The following H6PD variants were observed in gnomAD, a reference collection of about 807,000 sequenced individuals.
H6PD encodes hexose-6-phosphate dehydrogenase/glucose 1-dehydrogenase.
H6PD carries 48 observed loss-of-function variants against 61.2 expected under a neutral mutation model. The ratio of observed to expected loss-of-function variants is 0.78; its 90% CI spans 0.62 to 1.00. The LOEUF is 1.00. Among genes scored for constraint, H6PD ranks in the 50% least tolerant of loss-of-function variants. The pLI, the probability that H6PD is intolerant of heterozygous loss-of-function variation, is 0.00. For missense variants in H6PD, 1,093 were observed against 1,065.0 expected, an observed-to-expected ratio of 1.03 and a Z score of -0.37; for synonymous variants, 480 against 457.9, an observed-to-expected ratio of 1.05 and a Z score of -0.62.
intron 3 of H6PD, among the ~76,000 whole-genome samples, chr1:9,247,367 C>T (rs1641214318): frequency 6.6e-6 from 1 of 152,172 alleles, no homozygotes; most frequent in African/African-American, 2.4e-5. Context: ...CTGAGGTCCC[C>T]CAAGTTTTTG....
intron 1 of H6PD, chr1:9,243,050 C>A (rs1641046243): frequency 2.5e-6 from 2 of 797,340 alleles, no homozygotes; most frequent in African/African-American, 1.9e-5. Flanking sequence ...TGGCCCTGAT[C>A]CTCTAGTTAA....
intron 1 of H6PD, among the ~76,000 whole-genome samples, chr1:9,236,574 C>T (rs1640854705): frequency 6.6e-6 from 1 of 151,692 alleles, no homozygotes; most frequent in South Asian, 2.1e-4. Context: ...GCAGGAAAAT[C>T]GCTTGAACCG....
chr1:9,263,936 C>T lies in H6PD; in HGVS notation c.1443C>T (p.Ala481=). 1 of 1,614,222 alleles carries T rather than the reference C, an allele frequency of 6.2e-7. No homozygotes were observed. The highest frequency in any genetic ancestry group is 1.1e-5 in the South Asian group (1 of 91,090). ...NFFITTENLL[A]SWNFWTPLLE... Reference sequence around the variant, plus strand: ...TCATCACCACAGAGAACTTGCTGGCCTCCTGGAACTTCTGGACCCCTCTGC... The same window carrying T: ...TCATCACCACAGAGAACTTGCTGGCTTCCTGGAACTTCTGGACCCCTCTGC... The change falls in exon 5 of 5, where the codon GCC becomes GCT. Residue 481 remains alanine, a synonymous_variant. Coordinates refer to ENST00000377403, the MANE Select transcript of H6PD (RefSeq NM_004285.4).
At position 9,264,871 on chromosome 1, in the gene H6PD, G is replaced by A. The variant is rs1463169534; in HGVS notation, c.*2G>A. 1.2e-6 allele frequency: 2 copies of A among 1,611,134 alleles called. No individual in the cohort carries two copies. Among genetic ancestry groups the A allele is most frequent in the Non-Finnish European group, 1.7e-6 (2 of 1,179,984 alleles). On this transcript the variant is annotated 3_prime_UTR_variant, in exon 5 of 5. Transcript: ENST00000377403. ...GACTACGACGCCTTCCTGGGATGAG[G>A]GCGCCTGTGCCCCTTGCCCGCTTCG...
chr1:9,245,678 TC>T lies in H6PD; in HGVS notation c.627+120del. The T allele has an allele frequency of 9.9e-7, 1 of 1,013,260 alleles. No individual in the cohort carries two copies. 62.8% of individuals were successfully genotyped at this position (1,013,260 alleles called of 1,614,324 possible). On this transcript the variant is annotated intron_variant, in intron 2 of 4. Transcript: ENST00000377403. The surrounding 1 kb of genome is among the most constrained non-coding windows in gnomAD (Gnocchi z 4.8). ...CCCCAAGGCATTGTGAACTCAGAGC[TC>T]CCATGGTCTCCTTGAAGGTGGGCAG...
intron 1 of H6PD, among the ~76,000 whole-genome samples, chr1:9,243,887 G>T (rs866925647): frequency 1.4e-5 from 2 of 144,956 alleles, no homozygotes; most frequent in African/African-American, 5.0e-5. Flanking sequence ...GGGAGGGGGG[G>T]TCTGACGTCA....
intron 1 of H6PD, among the ~76,000 whole-genome samples, chr1:9,242,036 T>C (rs141771236): frequency 1.3e-5 from 2 of 152,304 alleles, no homozygotes; most frequent in African/African-American, 4.8e-5. Context: ...ATGAAACCAT[T>C]TGAGACTGTT....
chr1:9,247,135 T>A (rs201525981), intron 3 of H6PD, 52 bp downstream of exon 3: 6 of 1,227,564 alleles, frequency 4.9e-6, no homozygotes, highest in Non-Finnish European at 7.3e-6. Context: ...CTGCCCGCTG[T>A]CTGCGGTGAG....
At chr1:9,249,050 G>A (rs1248136498) in intron 3 of H6PD, among the ~76,000 whole-genome samples, 7 of 152,224 alleles carry the variant, frequency 4.6e-5, no homozygotes, top group East Asian at 1.9e-4. Context: ...TGAAGCCAGC[G>A]GGCCGGCGCT....
At position 9,269,046 on chromosome 1, in the gene H6PD, TA is replaced by T. The variant is rs76124332; in HGVS notation, c.*4189del. 29,821 of 141,030 alleles carry T rather than the reference TA, an allele frequency of 0.21. 2,979 individuals carry two copies. The highest frequency in any genetic ancestry group is 0.26 in the Middle Eastern group (69 of 268). The allele number at this position is 141,030 out of a possible 1,614,324, so 8.7% of individuals were successfully genotyped here. On this transcript the variant is annotated 3_prime_UTR_variant, in exon 5 of 5. Coordinates refer to ENST00000377403, the MANE Select transcript of H6PD (RefSeq NM_004285.4). This position sits in a 1 kb window ranked among gnomAD's most constrained non-coding sequence, Gnocchi z 4.3. ...TCCCTTAGAACTTACTCCACTGATT[TA>T]AAAAAAAAAAACTGCCTGGCAGCAT... is the stretch of plus-strand genomic sequence containing the variant.
chr1:9,260,563 CTGT>C (rs926273130), intron 3 of H6PD, among the ~76,000 whole-genome samples: 72 of 151,962 alleles, frequency 4.7e-4, no homozygotes, highest in African/African-American at 1.6e-3. Context: ...TGTTACTCTG[CTGT>C]TGTTATGTTG....
At chr1:9,237,236 C>CTCTTTTTTTTTTT (rs1419535641) in intron 1 of H6PD, among the ~76,000 whole-genome samples, 2 of 71,084 alleles carry the variant, frequency 2.8e-5, no homozygotes, top group African/African-American at 5.0e-5. Context: ...TTTGACTTCT[C>CTCTTTTTTTTTTT]TTTTTTTTTT....
rs376548392 is a variant in H6PD at position 9,254,800 on chromosome 1, A to G, written c.746-7259A>G. On this transcript the variant is annotated intron_variant, in intron 3 of 4. Coordinates refer to ENST00000377403, the MANE Select transcript of H6PD (RefSeq NM_004285.4). This position sits in a 1 kb window ranked among gnomAD's most constrained non-coding sequence, Gnocchi z 4.6. ...CACAGAGTTGTGTGTCAGTACCACA[A>G]TCAATTTTAGGACATGTTCATCACG... 3.9e-5 allele frequency among the ~76,000 whole-genome samples: 6 copies of G among 152,334 alleles called. No homozygotes were observed. In the East Asian group the frequency reaches 9.6e-4, roughly 24 times the overall value.
In H6PD at chr1:9,265,567, A is replaced by G. The variant is rs1195766136; in HGVS notation, c.*698A>G. On this transcript the variant is annotated 3_prime_UTR_variant, in exon 5 of 5. Transcript: ENST00000377403. Reference sequence around the variant, plus strand: ...TCCCTGTGTCTTTGCTGTTCTTCAGACTCCATTTATAGAGAATGAGGGCTG... The same window carrying G: ...TCCCTGTGTCTTTGCTGTTCTTCAGGCTCCATTTATAGAGAATGAGGGCTG... The G allele has an allele frequency of 6.3e-6, 1 of 158,476 alleles. No individual in the cohort carries two copies. The highest frequency in any genetic ancestry group is 1.8e-4 in the South Asian group (1 of 5,562). The allele number at this position is 158,476 out of a possible 1,614,324, so 9.8% of individuals were successfully genotyped here.
At chr1:9,253,224 AC>A (rs1271274288) in intron 3 of H6PD, among the ~76,000 whole-genome samples, 1 of 152,038 alleles carries the variant, frequency 6.6e-6, no homozygotes, top group Non-Finnish European at 1.5e-5. Context: ...ACACAGGCGC[AC>A]CCCCTGAAGC....
chr1:9,243,526 T>C (rs946179930), intron 1 of H6PD, among the ~76,000 whole-genome samples: 1 of 152,104 alleles, frequency 6.6e-6, no homozygotes, highest in Non-Finnish European at 1.5e-5. Context: ...GTGATGACTT[T>C]CCCCCTCACT....
rs1351024715 is a variant in H6PD, at chr1:9,265,430, C to G, written c.*561C>G. 1 of 186,708 alleles carries G rather than the reference C, an allele frequency of 5.4e-6. No individual in the cohort carries two copies. The highest frequency in any genetic ancestry group is 1.1e-5 in the Non-Finnish European group (1 of 88,054). The allele number at this position is 186,708 out of a possible 1,614,324, so 11.6% of individuals were successfully genotyped here. A position where few individuals can be genotyped will look rare whatever the true frequency, so the allele number is the denominator to read the frequency against. ...CCTCCTTCCCCAGCTGCCCCTCCTT[C>G]TAGAACCTCTGCACATCTAGCCTCT... On this transcript the variant is annotated 3_prime_UTR_variant, in exon 5 of 5. Coordinates refer to ENST00000377403, the MANE Select transcript of H6PD (RefSeq NM_004285.4).
chr1:9,262,303 C>T lies in H6PD; in HGVS notation c.990C>T (p.Phe330=), dbSNP rs1335205592. 3.1e-6 allele frequency: 5 copies of T among 1,607,728 alleles called. No individual in the cohort carries two copies. The highest frequency in any genetic ancestry group is 1.1e-5 in the South Asian group (1 of 89,988). The change falls in exon 4 of 5, where the codon TTC becomes TTT. Residue 330 remains phenylalanine (F), a synonymous_variant. Transcript: ENST00000377403. ...GAGAGCTGCAGAAGCCAGACAGCTT[C>T]CACAGCCTGACGCCGACCTTCGCAG... The part of the protein sequence containing the change: ...VRRELQKPDS[F]HSLTPTFAAV...
rs114177702 is a variant in H6PD at position 9,258,230 on chromosome 1, C to T, written c.746-3829C>T. Among the ~76,000 whole-genome samples the T allele has an allele frequency of 5.4e-3, 817 of 152,042 alleles. 3 individuals carry two copies. Among genetic ancestry groups the T allele is most frequent in the African/African-American group, 0.019 (789 of 41,446 alleles). ...CAGTGTTGTTATGTTGCTGTTGTTA[C>T]GCTGGTGGTGTTATGTTGGTGTTGT... On this transcript the variant is annotated intron_variant, in intron 3 of 4. Transcript: ENST00000377403.
Sources: allele counts gnomAD v4.1 joint callset (sites outside exome capture counted in the v4.1 genomes callset), GRCh38; gene constraint gnomAD v4.1.1; non-coding constraint Gnocchi (gnomAD v3.1); transcripts MANE v1.5; gene names NCBI Gene and HGNC (gene_info 2026-07-23, HGNC 2026-07-21).